The following ZBBX variants were observed in gnomAD, a reference collection of about 807,000 sequenced individuals.
ZBBX encodes the protein zinc finger B-box domain containing, also known as zinc finger B-box domain-containing protein 1.
Under a neutral mutation model 108.5 loss-of-function variants are expected in ZBBX, and 101 were observed. The ratio of observed to expected loss-of-function variants is 0.93; its 90% CI spans 0.79 to 1.10. The LOEUF (loss-of-function observed/expected upper bound fraction) is 1.10. ZBBX is among the 50% of genes least tolerant of loss of function. The pLI is 0.00. For missense variants in ZBBX, 1,009 were observed against 941.4 expected (o/e 1.07, Z -0.94); for synonymous variants, 356 against 323.4 (o/e 1.10, Z -1.08).
intron 8 of ZBBX, among the ~76,000 whole-genome samples, chr3:167,357,011 C>G (rs1419318516): frequency 6.6e-6 from 1 of 151,978 alleles, no homozygotes; most frequent in African/African-American, 2.4e-5. Context: ...AATAGTGATG[C>G]CTATTAGACA....
At chr3:167,360,800 A>C in intron 6 of ZBBX, 77 bp from the exon 7 acceptor site, 1 of 870,058 alleles carries the variant, frequency 1.1e-6, no homozygotes, top group South Asian at 2.8e-5. Context: ...AAAATATTAG[A>C]AAGCTGTAGC....
At position 167,325,001 on chromosome 3, in the gene ZBBX, C is replaced by T. The variant is rs191658344; in HGVS notation, c.863-2764G>A. 5.3e-5 allele frequency among the ~76,000 whole-genome samples: 8 copies of T among 152,212 alleles called. No individual in the cohort carries two copies. In the East Asian group the frequency reaches 1.5e-3, roughly 29 times the overall value. ...AACCAACCCGCCCAATTGTTACTGC[C>T]ATTCCTGAAGTGCTTGAGACAAAAC... On this transcript the variant is annotated intron_variant, in intron 11 of 21. Transcript: ENST00000675490.
chr3:167,184,083 A>C, the ZBBX span, among the ~76,000 whole-genome samples: 1 of 152,242 alleles, frequency 6.6e-6, no homozygotes, highest in Non-Finnish European at 1.5e-5. Flanking sequence ...ATCAATAAAC[A>C]CGTGAAGAAA....
the ZBBX span, among the ~76,000 whole-genome samples, chr3:167,228,030 C>A: frequency 6.6e-6 from 1 of 151,710 alleles, no homozygotes. Context: ...AGATTCTGGG[C>A]CCTCTTGATC....
At chr3:167,328,158 G>A in intron 10 of ZBBX, 42 bp from the exon 11 acceptor site, 2 of 1,546,780 alleles carry the variant, frequency 1.3e-6, no homozygotes, top group Non-Finnish European at 1.7e-6. Flanking sequence ...TAAATTTTCT[G>A]TATTTACCCA....
intron 18 of ZBBX, among the ~76,000 whole-genome samples, chr3:167,292,604 A>T (rs1006754168): frequency 6.6e-6 from 1 of 152,222 alleles, no homozygotes; most frequent in Non-Finnish European, 1.5e-5. Context: ...AGCTGGAAAG[A>T]TCTAAAATTG....
intron 6 of ZBBX, among the ~76,000 whole-genome samples, chr3:167,363,767 T>A (rs1219744679): frequency 3.9e-5 from 6 of 152,124 alleles, no homozygotes; most frequent in Non-Finnish European, 8.8e-5. Flanking sequence ...GCTGCAACAA[T>A]AGTCTTTACT....
intron 9 of ZBBX, among the ~76,000 whole-genome samples, chr3:167,344,938 C>A (rs193155388): frequency 2.6e-5 from 4 of 151,704 alleles, no homozygotes; most frequent in East Asian, 1.9e-4. Flanking sequence ...AGGGAAAGGG[C>A]GAGAAAGTTA....
chr3:167,348,759 G>A (rs1263322554), intron 9 of ZBBX, among the ~76,000 whole-genome samples: 1 of 151,908 alleles, frequency 6.6e-6, no homozygotes, highest in Non-Finnish European at 1.5e-5. Flanking sequence ...TATATATGAA[G>A]TGTATATTCG....
At chr3:167,311,138 C>A (rs1028789991) in intron 16 of ZBBX, among the ~76,000 whole-genome samples, 1 of 152,062 alleles carries the variant, frequency 6.6e-6, no homozygotes, top group African/African-American at 2.4e-5. Context: ...AATAGAGAAT[C>A]CTGAGTAGAC....
At chr3:167,228,912 G>A in the ZBBX span, among the ~76,000 whole-genome samples, 1 of 151,700 alleles carries the variant, frequency 6.6e-6, no homozygotes, top group South Asian at 2.1e-4. Context: ...TGGAACTCTC[G>A]CTTGCTCTTT....
rs1339692888 is a variant in ZBBX, at chr3:167,305,796, TAC to T, written c.1570_1571del (p.Val524IlefsTer3). ...GCAAAGTGTCCTTGCTTTCAAGTGA[TAC>T]ACAGGAATCATCAGACTTTTGATTA... is the stretch of plus-strand genomic sequence containing the variant. ...ESNQKSDDSC[V>X]SLESKDTLLG... On this transcript the variant is annotated frameshift_variant, in exon 17 of 22. Coordinates refer to ENST00000675490, the MANE Select transcript of ZBBX (RefSeq NM_001199201.2). LOFTEE classifies it high-confidence loss of function. 1 of 1,612,962 alleles carries T rather than the reference TAC, an allele frequency of 6.2e-7. No homozygotes were observed. Among genetic ancestry groups the T allele is most frequent in the African/African-American group, 1.3e-5 (1 of 75,034 alleles).
chr3:167,317,164 T>C (rs1735608141), intron 13 of ZBBX, 59 bp from the exon 14 acceptor site: 1 of 1,187,618 alleles, frequency 8.4e-7, no homozygotes, highest in African/African-American at 1.6e-5. Flanking sequence ...TTATAATTTC[T>C]TCAAATAAGA....
intron 19 of ZBBX, among the ~76,000 whole-genome samples, chr3:167,287,114 TA>T (rs759542905): frequency 4.6e-5 from 7 of 151,100 alleles, no homozygotes; most frequent in African/African-American, 7.3e-5. Flanking sequence ...TCTCTATTTC[TA>T]AAAAAAAACC....
At chr3:167,264,381 T>C (rs1725119631) in intron 20 of ZBBX, among the ~76,000 whole-genome samples, 2 of 152,194 alleles carry the variant, frequency 1.3e-5, no homozygotes. Flanking sequence ...TGTATGTTTT[T>C]CAATTTGATG....
In ZBBX at chr3:167,360,645, C is replaced by T. The variant is rs377206287; in HGVS notation, c.322+30G>A. On this transcript the variant is annotated intron_variant, in intron 7 of 21. Coordinates refer to ENST00000675490, the MANE Select transcript of ZBBX (RefSeq NM_001199201.2). The stretch of plus-strand genomic sequence containing the variant: ...ATGTAAAAGAAAGGGATGTCTTTAG[C>T]ATTTATTAACATGGTGATAAATTAT... 13 of 1,230,762 alleles carry T rather than the reference C, an allele frequency of 1.1e-5. No homozygotes were observed. In the African/African-American group the frequency reaches 1.6e-4, roughly 15 times the overall value. 76.2% of individuals were successfully genotyped at this position (1,230,762 alleles called of 1,614,324 possible).
intron 18 of ZBBX, among the ~76,000 whole-genome samples, chr3:167,295,208 T>A (rs1731423316): frequency 6.6e-6 from 1 of 152,114 alleles, no homozygotes; most frequent in African/African-American, 2.4e-5. Context: ...ACCTAAAGGA[T>A]TATAAATCAT....
At chr3:167,210,105 A>T in the ZBBX span, among the ~76,000 whole-genome samples, 1 of 152,134 alleles carries the variant, frequency 6.6e-6, no homozygotes, top group East Asian at 1.9e-4. Flanking sequence ...AAAATAAAAT[A>T]AAATAAATAA....
chr3:167,188,556 A>G, the ZBBX span, among the ~76,000 whole-genome samples: 6 of 152,202 alleles, frequency 3.9e-5, no homozygotes, highest in African/African-American at 1.4e-4. Flanking sequence ...CTACAATGTA[A>G]TTTAAAATAT....
Sources: gnomAD v4.1 joint callset for allele counts (sites outside exome capture counted in the v4.1 genomes callset) on GRCh38, gnomAD v4.1.1 for gene constraint, MANE v1.5 for transcripts, NCBI Gene and HGNC (gene_info 2026-07-23, HGNC 2026-07-21) for gene names.